The following DNAJC5B variants were observed in gnomAD, a reference collection of about 807,000 sequenced individuals.
DNAJC5B encodes the protein dnaJ homolog subfamily C member 5B.
DNAJC5B carries 23 observed loss-of-function variants against 24.7 expected under a neutral mutation model. That is an observed-to-expected ratio of 0.93 (90% CI 0.67 to 1.32). DNAJC5B has a LOEUF of 1.32. Ranked by LOEUF, DNAJC5B falls within the 40% of genes most tolerant of loss-of-function variation. The probability of loss-of-function intolerance (pLI) is 0.00; values close to 1 mark genes in which losing one functional copy is unlikely to be tolerated. For missense variants in DNAJC5B, 238 were observed against 240.8 expected, an observed-to-expected ratio of 0.99 and a Z score of 0.08; for synonymous variants, 101 against 90.1, an observed-to-expected ratio of 1.12 and a Z score of -0.68.
chr8:66,015,765 G>A, the DNAJC5B span, among the ~76,000 whole-genome samples: 1 of 152,160 alleles, frequency 6.6e-6, no homozygotes, highest in Admixed American at 6.5e-5. Context: ...ATTTAGAGTA[G>A]GGTAGGGTTG....
chr8:66,045,926 T>C (rs1806713619), intron 2 of DNAJC5B, among the ~76,000 whole-genome samples: 3 of 152,154 alleles, frequency 2.0e-5, no homozygotes, highest in South Asian at 2.1e-4. Context: ...GTGTACCCAG[T>C]AAAAGTGCTG....
At chr8:66,021,815 A>G (rs1806131220) in intron 1 of DNAJC5B, 110 bp downstream of exon 1, 1 of 152,256 alleles carries the variant, frequency 6.6e-6, no homozygotes, top group African/African-American at 2.4e-5. Context: ...AGCTGGGCGC[A>G]TCTTGCCAAC....
At chr8:66,027,384 C>A (rs772778593) in intron 1 of DNAJC5B, among the ~76,000 whole-genome samples, 5 of 152,320 alleles carry the variant, frequency 3.3e-5, no homozygotes, top group African/African-American at 7.2e-5. Context: ...GAAAATGTTA[C>A]GAGCTGAGTC....
At chr8:66,076,547 T>G in intron 3 of DNAJC5B, 113 bp from the exon 4 acceptor site, 1 of 1,129,760 alleles carries the variant, frequency 8.9e-7, no homozygotes, top group Admixed American at 2.0e-5. Flanking sequence ...AACTCACCAT[T>G]TCACAGTATT....
intron 3 of DNAJC5B, among the ~76,000 whole-genome samples, chr8:66,060,926 G>A (rs988178369): frequency 5.3e-5 from 8 of 152,146 alleles, no homozygotes; most frequent in African/African-American, 1.9e-4. Flanking sequence ...CCAGGGGAAG[G>A]GGGAGGCTTA....
chr8:66,094,002 A>G (rs1047677498), intron 5 of DNAJC5B, among the ~76,000 whole-genome samples: 2 of 152,136 alleles, frequency 1.3e-5, no homozygotes, highest in South Asian at 4.1e-4. Context: ...TTAAGTTTCA[A>G]TAGATATATG....
In DNAJC5B at chr8:66,051,702, A is replaced by C. The variant is rs747205461; in HGVS notation, c.119+36A>C. The C allele has an allele frequency of 4.0e-6, 6 of 1,505,186 alleles. No homozygotes were observed. In the African/African-American group the frequency reaches 8.3e-5, roughly 21 times the overall value. 93.2% of individuals were successfully genotyped at this position (1,505,186 alleles called of 1,614,324 possible). A position where few individuals can be genotyped will look rare whatever the true frequency, so the allele number is the denominator to read the frequency against. On this transcript the variant is annotated intron_variant, in intron 3 of 5. Transcript: ENST00000276570. ...CAATGGTGACATTTCTTCTGCTACT[A>C]GTGAGTTATTTTGTGACTGGCAGAT...
chr8:66,064,718 T>A (rs1484673112), intron 3 of DNAJC5B, among the ~76,000 whole-genome samples: 3 of 152,198 alleles, frequency 2.0e-5, no homozygotes, highest in Admixed American at 6.5e-5. Context: ...TGGAAAAGGA[T>A]TATATTATAC....
intron 4 of DNAJC5B, among the ~76,000 whole-genome samples, chr8:66,078,978 G>A (rs1052290208): frequency 6.6e-6 from 1 of 152,172 alleles, no homozygotes; most frequent in Admixed American, 6.5e-5. Flanking sequence ...GATAAAATCT[G>A]TGTTTCAATT....
intron 3 of DNAJC5B, among the ~76,000 whole-genome samples, chr8:66,062,394 T>C (rs1255982719): frequency 2.0e-5 from 3 of 152,150 alleles, no homozygotes; most frequent in Non-Finnish European, 4.4e-5. Context: ...AAGTGAAAAG[T>C]AGTTAGGGGA....
chr8:66,044,870 A>G (rs2128958684), intron 2 of DNAJC5B, among the ~76,000 whole-genome samples: 1 of 152,338 alleles, frequency 6.6e-6, no homozygotes, highest in Admixed American at 6.5e-5. Context: ...GCATAGGAAT[A>G]TTATAATTCA....
chr8:66,057,921 G>A (rs966566281), intron 3 of DNAJC5B: 8 of 152,190 alleles, frequency 5.3e-5, no homozygotes, highest in Non-Finnish European at 1.0e-4. Context: ...AATGGCTAAA[G>A]GAAGTTCTTC....
intron 5 of DNAJC5B, among the ~76,000 whole-genome samples, chr8:66,085,364 C>G (rs539305848): frequency 6.6e-6 from 1 of 152,052 alleles, no homozygotes; most frequent in Non-Finnish European, 1.5e-5. Flanking sequence ...TGCTTGAACC[C>G]GGGAGGCAGA....
intron 1 of DNAJC5B, among the ~76,000 whole-genome samples, chr8:66,030,996 C>T (rs113049587): frequency 0.016 from 2,408 of 152,304 alleles, 58 homozygotes; most frequent in African/African-American, 0.054. Flanking sequence ...TGGCTTTCTC[C>T]TGGGCTTATG....
intron 3 of DNAJC5B, among the ~76,000 whole-genome samples, chr8:66,073,368 G>T (rs112996497): frequency 5.3e-5 from 8 of 152,002 alleles, no homozygotes; most frequent in Non-Finnish European, 1.2e-4. Flanking sequence ...TTTAAAATTC[G>T]TTAAAAAGAT....
chr8:66,055,184 C>T (rs766870224), intron 3 of DNAJC5B, among the ~76,000 whole-genome samples: 42 of 152,088 alleles, frequency 2.8e-4, no homozygotes, highest in African/African-American at 8.5e-4. Context: ...TAATGTCATA[C>T]AAATATTATT....
At chr8:66,043,131 T>A (rs573275360) in intron 1 of DNAJC5B, among the ~76,000 whole-genome samples, 3 of 152,226 alleles carry the variant, frequency 2.0e-5, no homozygotes, top group Non-Finnish European at 2.9e-5. Flanking sequence ...GGGTTAAATA[T>A]GCAGATTTGA....
chr8:66,042,620 CTT>C (rs1399951881), intron 1 of DNAJC5B, among the ~76,000 whole-genome samples: 7 of 140,048 alleles, frequency 5.0e-5, no homozygotes, highest in African/African-American at 2.2e-4. Flanking sequence ...TCTTCTTCTT[CTT>C]CTCCTTCTCC....
intron 5 of DNAJC5B, among the ~76,000 whole-genome samples, chr8:66,084,296 G>A (rs1329350675): frequency 6.6e-6 from 1 of 152,110 alleles, no homozygotes; most frequent in Non-Finnish European, 1.5e-5. Context: ...GAGTCTACTA[G>A]CCACTTAAAA....
Sources: gnomAD v4.1 joint callset for allele counts (sites outside exome capture counted in the v4.1 genomes callset) on GRCh38, gnomAD v4.1.1 for gene constraint, MANE v1.5 for transcripts, NCBI Gene and HGNC (gene_info 2026-07-23, HGNC 2026-07-21) for gene names.